The following MACC1 variants were observed in gnomAD, a reference collection of about 807,000 sequenced individuals.
MACC1 encodes metastasis-associated in colon cancer protein 1.
MACC1 carries 79 observed loss-of-function variants against 70.7 expected under a neutral mutation model. That is an observed-to-expected ratio of 1.12 (90% CI 0.93 to 1.35). MACC1 has a LOEUF of 1.35. Ranked by LOEUF, MACC1 falls within the 40% of genes most tolerant of loss-of-function variation. The pLI, the probability that MACC1 is intolerant of heterozygous loss-of-function variation, is 0.00. For synonymous variants in MACC1, 361 were observed against 347.2 expected, an observed-to-expected ratio of 1.04 and a Z score of -0.44; for missense variants, 1,106 against 978.1, an observed-to-expected ratio of 1.13 and a Z score of -1.74.
At position 20,158,879 on chromosome 7, in the gene MACC1, A is replaced by C; in HGVS notation, c.1482T>G (p.Gly494=). The change falls in exon 5 of 7, where the codon GGT becomes GGG. Residue 494 remains glycine, a synonymous_variant. Coordinates refer to ENST00000400331, the MANE Select transcript of MACC1 (RefSeq NM_182762.4). ...TGATAGAGAACTGTGCAACTGGTTCACCATTGGGAGGCTCCACTTGAACAC... is the reference window on the plus strand; with the variant it reads ...TGATAGAGAACTGTGCAACTGGTTCCCCATTGGGAGGCTCCACTTGAACAC... ...DFCVQVEPPN[G]EPVAQFSITT... The C allele has an allele frequency of 6.2e-7, 1 of 1,614,124 alleles. No homozygotes were observed. Among genetic ancestry groups the C allele is most frequent in the Non-Finnish European group, 8.5e-7 (1 of 1,180,018 alleles).
At chr7:20,180,336 G>A (rs141395340) in intron 1 of MACC1, among the ~76,000 whole-genome samples, 3,245 of 151,780 alleles carry the variant, frequency 0.021, 111 homozygotes, top group African/African-American at 0.072. Flanking sequence ...CCAGCTTCTC[G>A]GGAGGCTGAG....
intron 6 of MACC1, chr7:20,141,830 G>C (rs1781808249): frequency 6.6e-6 from 1 of 151,962 alleles, no homozygotes; most frequent in Non-Finnish European, 1.5e-5. Context: ...ACGTCAAAGA[G>C]AAACTTCACA....
intron 1 of MACC1, among the ~76,000 whole-genome samples, chr7:20,175,981 C>T (rs1260127333): frequency 6.6e-6 from 1 of 152,048 alleles, no homozygotes; most frequent in Non-Finnish European, 1.5e-5. Flanking sequence ...TACAACTGAC[C>T]TCTTCGATAT....
At chr7:20,163,390 T>C (rs544099529) in intron 3 of MACC1, among the ~76,000 whole-genome samples, 29 of 152,240 alleles carry the variant, frequency 1.9e-4, no homozygotes, top group Non-Finnish European at 4.1e-4. Flanking sequence ...GCTTACAGCC[T>C]AGTACCCAAC....
At chr7:20,196,779 C>A (rs371317196) in intron 1 of MACC1, among the ~76,000 whole-genome samples, 4 of 151,864 alleles carry the variant, frequency 2.6e-5, no homozygotes, top group Admixed American at 6.6e-5. Flanking sequence ...ATGAAATATG[C>A]CCCAAAACTT....
chr7:20,154,531 T>C lies in MACC1; in HGVS notation c.2158-150A>G. On this transcript the variant is annotated intron_variant, in intron 5 of 6. Coordinates refer to ENST00000400331, the MANE Select transcript of MACC1 (RefSeq NM_182762.4). ...GTTTTCTAAAGCTCAAGGAGTTGAT[T>C]CACATTTAAGCAAATTCTATAAGCA... 3.7e-6 allele frequency: 3 copies of C among 810,636 alleles called. No homozygotes were observed. The South Asian group carries it at 5.8e-5, about 16-fold the overall frequency. 50.2% of individuals were successfully genotyped at this position (810,636 alleles called of 1,614,324 possible).
At chr7:20,204,449 G>A (rs1381123482) in intron 1 of MACC1, among the ~76,000 whole-genome samples, 5 of 152,098 alleles carry the variant, frequency 3.3e-5, no homozygotes, top group African/African-American at 4.8e-5. Context: ...CACTGCACCC[G>A]GCCTGCTCAA....
At position 20,167,352 on chromosome 7, in the gene MACC1, C is replaced by T. The variant is rs150001208; in HGVS notation, c.-152-2953G>A. ...CCAGGACTACAGGTGCATGCCACCA[C>T]GCCCAGCTAATTTTTTGTATTTTAG... On this transcript the variant is annotated intron_variant, in intron 2 of 6. Transcript: ENST00000400331. Among the ~76,000 whole-genome samples, 980 of 151,886 alleles carry T rather than the reference C, an allele frequency of 6.5e-3. 16 individuals are homozygous for T. Among genetic ancestry groups the T allele is most frequent in the African/African-American group, 0.02 (837 of 41,412 alleles).
chr7:20,153,510 C>A (rs1215379444), intron 6 of MACC1: 1 of 152,046 alleles, frequency 6.6e-6, no homozygotes, highest in Non-Finnish European at 1.5e-5. Context: ...TTATTTAATT[C>A]AATAAAAATT....
At chr7:20,157,718 G>C (rs1782075173) in intron 5 of MACC1, among the ~76,000 whole-genome samples, 2 of 140,898 alleles carry the variant, frequency 1.4e-5, no homozygotes, top group African/African-American at 2.7e-5. Context: ...AGTGAGCTGT[G>C]ATCGTGCCAC....
chr7:20,211,585 A>G (rs1782996946), intron 1 of MACC1, among the ~76,000 whole-genome samples: 1 of 152,222 alleles, frequency 6.6e-6, no homozygotes, highest in African/African-American at 2.4e-5. Context: ...TTTCAGTGAC[A>G]TCTGGAAAGG....
intron 1 of MACC1, among the ~76,000 whole-genome samples, chr7:20,184,485 T>C (rs1782555788): frequency 6.6e-6 from 1 of 152,210 alleles, no homozygotes; most frequent in African/African-American, 2.4e-5. Context: ...CATTATCAAA[T>C]AAACTCTTAG....
intron 2 of MACC1, 94 bp downstream of exon 2, chr7:20,170,620 A>C (rs974107785): frequency 3.3e-5 from 5 of 152,256 alleles, no homozygotes; most frequent in African/African-American, 1.2e-4. Context: ...TTTTTAGCCA[A>C]CACTTGCTGA....
intron 6 of MACC1, among the ~76,000 whole-genome samples, chr7:20,144,263 G>T (rs1016626307): frequency 6.6e-6 from 1 of 152,160 alleles, no homozygotes. Context: ...TTATAGCGTA[G>T]GAAGGAGATA....
intron 1 of MACC1, among the ~76,000 whole-genome samples, chr7:20,207,642 GA>G (rs1161384833): frequency 6.6e-6 from 1 of 151,852 alleles, no homozygotes. Context: ...AATATTAGGG[GA>G]AAAAATAGGT....
chr7:20,207,759 G>A (rs745631703), intron 1 of MACC1, among the ~76,000 whole-genome samples: 1 of 152,124 alleles, frequency 6.6e-6, no homozygotes, highest in Non-Finnish European at 1.5e-5. Flanking sequence ...AAACACATAG[G>A]TAAGTGAACT....
At chr7:20,178,669 G>A (rs1368136236) in intron 1 of MACC1, among the ~76,000 whole-genome samples, 6 of 152,094 alleles carry the variant, frequency 3.9e-5, no homozygotes, top group South Asian at 2.1e-4. Context: ...GCGCGATCTC[G>A]GCTCACCGCA....
rs1482057785 is a variant in MACC1 at position 20,207,851 on chromosome 7, G to A, written c.-218+9448C>T. ...AAAAGGTTAACAGGATATACACACTGATATGGTTTGGCTGTGTCCTCACCC... is the reference window on the plus strand; with the variant it reads ...AAAAGGTTAACAGGATATACACACTAATATGGTTTGGCTGTGTCCTCACCC... On this transcript the variant is annotated intron_variant, in intron 1 of 6. Coordinates refer to ENST00000400331, the MANE Select transcript of MACC1 (RefSeq NM_182762.4). Among the ~76,000 whole-genome samples, 3 of 152,264 alleles carry A rather than the reference G, an allele frequency of 2.0e-5. No individual in the cohort carries two copies. The East Asian group carries it at 5.8e-4, about 29-fold the overall frequency.
intron 6 of MACC1, among the ~76,000 whole-genome samples, chr7:20,150,820 G>A (rs1781964649): frequency 6.6e-6 from 1 of 152,202 alleles, no homozygotes. Context: ...GCCGAGGTGA[G>A]TGGATCACCT....
Sources: gnomAD v4.1 joint callset for allele counts (sites outside exome capture counted in the v4.1 genomes callset) on GRCh38, gnomAD v4.1.1 for gene constraint, MANE v1.5 for transcripts, NCBI Gene and HGNC (gene_info 2026-07-23, HGNC 2026-07-21) for gene names.